Variants in RBFOX1 observed in about 807,000 individuals in gnomAD.
RBFOX1 encodes the protein RNA binding fox-1 homolog 1, also known as RNA binding protein fox-1 homolog 1.
Under a neutral mutation model 57.7 loss-of-function variants are expected in RBFOX1, and 8 were observed. The observed-to-expected ratio is 0.14, with a 90% CI of 0.08 to 0.25. RBFOX1 has a LOEUF of 0.25. Ranked by LOEUF, RBFOX1 falls within the 10% of genes least tolerant of loss-of-function variation. RBFOX1 has a pLI of 1.00. For missense variants in RBFOX1, 611 were observed against 548.5 expected (o/e 1.11, Z -1.14); for synonymous variants, 326 against 222.4 (o/e 1.47, Z -4.15).
chr16:6,061,140 C>T (rs2095681031), intron 1 of RBFOX1, among the ~76,000 whole-genome samples: 1 of 152,158 alleles, frequency 6.6e-6, no homozygotes, highest in Admixed American at 6.5e-5. Context: ...TCTGCTGGAC[C>T]AGAGGAGGGT....
intron 2 of RBFOX1, among the ~76,000 whole-genome samples, chr16:6,412,481 T>C (rs1336946910): frequency 1.3e-5 from 2 of 152,194 alleles, no homozygotes; most frequent in African/African-American, 4.8e-5. Flanking sequence ...TCAATGATCA[T>C]CCTATAAAAG....
At chr16:5,796,693 G>T (rs573087160) in intron 3 of RBFOX1, among the ~76,000 whole-genome samples, 124 of 152,334 alleles carry the variant, frequency 8.1e-4, no homozygotes, top group Non-Finnish European at 1.4e-3. Flanking sequence ...TTTTACGGAT[G>T]AAGACACTGA....
intron 4 of RBFOX1, among the ~76,000 whole-genome samples, chr16:7,444,248 C>A (rs2098791770): frequency 1.3e-5 from 2 of 152,190 alleles, no homozygotes; most frequent in Non-Finnish European, 2.9e-5. Context: ...ATGTTCTAAC[C>A]TGTTTCCTAA....
At chr16:6,544,355 AC>A (rs959412538) in intron 2 of RBFOX1, among the ~76,000 whole-genome samples, 7 of 152,316 alleles carry the variant, frequency 4.6e-5, no homozygotes, top group African/African-American at 1.7e-4. Flanking sequence ...GTGGAAAACC[AC>A]CTTTTCCCCT....
chr16:5,777,959 T>C (rs924897450), intron 3 of RBFOX1, among the ~76,000 whole-genome samples: 10 of 152,350 alleles, frequency 6.6e-5, no homozygotes, highest in East Asian at 1.9e-4. Flanking sequence ...ATTTGAAGTA[T>C]GTGGTCACGT....
chr16:7,202,899 T>C (rs563755666), intron 4 of RBFOX1, among the ~76,000 whole-genome samples: 22 of 152,132 alleles, frequency 1.4e-4, no homozygotes, highest in African/African-American at 4.8e-4. Context: ...GAAATGTTCT[T>C]TTTTTTTGAG....
intron 1 of RBFOX1, among the ~76,000 whole-genome samples, chr16:6,103,483 A>G (rs777010741): frequency 5.3e-5 from 8 of 152,142 alleles, no homozygotes; most frequent in East Asian, 1.9e-4. Context: ...TGCTGTAACA[A>G]ACATCCCCCA....
intron 3 of RBFOX1, among the ~76,000 whole-genome samples, chr16:5,648,864 G>A (rs867206417): frequency 6.6e-6 from 1 of 152,104 alleles, no homozygotes; most frequent in South Asian, 2.1e-4. Flanking sequence ...AGGAGTTTGA[G>A]TCCAGGCTGG....
intron 1 of RBFOX1, among the ~76,000 whole-genome samples, chr16:6,134,081 T>C (rs1486689422): frequency 2.6e-5 from 4 of 151,944 alleles, no homozygotes; most frequent in African/African-American, 9.6e-5. Context: ...AGATTACAGA[T>C]GTATGCCACC....
chr16:6,945,041 C>G (rs1281765732), intron 3 of RBFOX1, among the ~76,000 whole-genome samples: 12 of 151,992 alleles, frequency 7.9e-5, no homozygotes, highest in Admixed American at 7.9e-4. Flanking sequence ...ATTCTGAATC[C>G]CGTGTTCTAA....
intron 4 of RBFOX1, among the ~76,000 whole-genome samples, chr16:7,388,935 C>G (rs1204708742): frequency 1.3e-5 from 2 of 151,996 alleles, no homozygotes. Flanking sequence ...TATCATAAGT[C>G]AAGGAAAGCA....
At chr16:7,257,112 C>G (rs1738404362) in intron 4 of RBFOX1, among the ~76,000 whole-genome samples, 1 of 152,150 alleles carries the variant, frequency 6.6e-6, no homozygotes. Context: ...CTTCAGTGAA[C>G]AGTTGTGAAA....
At chr16:6,182,227 G>A (rs1310861921) in intron 1 of RBFOX1, among the ~76,000 whole-genome samples, 2 of 152,140 alleles carry the variant, frequency 1.3e-5, no homozygotes, top group Admixed American at 6.5e-5. Context: ...GTTGTTTTAA[G>A]TAAGTTACTG....
intron 3 of RBFOX1, among the ~76,000 whole-genome samples, chr16:7,005,488 C>G (rs1420686950): frequency 1.3e-5 from 2 of 152,110 alleles, no homozygotes; most frequent in African/African-American, 2.4e-5. Flanking sequence ...AGAAGGAACC[C>G]AGTAATGGCA....
chr16:7,650,693 G>C (rs2144541803), intron 11 of RBFOX1, among the ~76,000 whole-genome samples: 1 of 152,332 alleles, frequency 6.6e-6, no homozygotes, highest in South Asian at 2.1e-4. Flanking sequence ...CATAGCCAGT[G>C]ACAATGAATG....
chr16:7,144,290 A>T (rs1220657923), intron 4 of RBFOX1, among the ~76,000 whole-genome samples: 1 of 152,100 alleles, frequency 6.6e-6, no homozygotes, highest in Non-Finnish European at 1.5e-5. Flanking sequence ...AGGAATTGAT[A>T]TATGCACAAA....
intron 1 of RBFOX1, among the ~76,000 whole-genome samples, chr16:5,316,359 G>C (rs2064237997): frequency 6.6e-6 from 1 of 152,210 alleles, no homozygotes; most frequent in Non-Finnish European, 1.5e-5. Context: ...TTGCTCAACT[G>C]TGTGCCTGTG....
At chr16:6,405,130 C>T (rs750178266) in intron 2 of RBFOX1, among the ~76,000 whole-genome samples, 1 of 152,166 alleles carries the variant, frequency 6.6e-6, no homozygotes, top group African/African-American at 2.4e-5. Context: ...AATTTGCACT[C>T]TACTCTATAA....
At chr16:6,376,933 C>A (rs1226566049) in intron 2 of RBFOX1, among the ~76,000 whole-genome samples, 1 of 151,904 alleles carries the variant, frequency 6.6e-6, no homozygotes, top group Non-Finnish European at 1.5e-5. Flanking sequence ...ACATAGCCTT[C>A]CCTGTGTTTT....
Sources: gnomAD v4.1 joint callset for allele counts (sites outside exome capture counted in the v4.1 genomes callset) on GRCh38, gnomAD v4.1.1 for gene constraint, MANE v1.5 for transcripts, NCBI Gene and HGNC (gene_info 2026-07-23, HGNC 2026-07-21) for gene names.